The following NOCT variants were observed in gnomAD, a reference collection of about 807,000 sequenced individuals.
The protein encoded by NOCT is CCR4 carbon catabolite repression 4-like.
In NOCT, 18 loss-of-function variants were observed where a neutral mutation model predicts 35.0. The observed-to-expected ratio is 0.51, with a 90% CI of 0.36 to 0.76. The LOEUF is 0.76. Ranked by LOEUF, NOCT falls within the 30% of genes least tolerant of loss-of-function variation. The pLI is 0.01. For missense variants in NOCT, 479 were observed against 541.0 expected (o/e 0.89, Z 1.14); for synonymous variants, 235 against 226.3 (o/e 1.04, Z -0.34).
In NOCT at chr4:139,044,893, T is replaced by C. The variant is rs1319289591; in HGVS notation, c.715T>C (p.Phe239Leu). The change falls in exon 3 of 3, where the codon TTT becomes CTT. Residue 239 changes from phenylalanine to leucine, a missense_variant. Physicochemically the swap from Phe to Leu is conservative, Grantham distance 22. Coordinates refer to ENST00000280614, the MANE Select transcript of NOCT (RefSeq NM_012118.4). ...CAATGGACCAGATGGTTGTGCCTTATTTTTTCTTCAAAACCGATTCAAGCT... is the reference window on the plus strand; with the variant it reads ...CAATGGACCAGATGGTTGTGCCTTACTTTTTCTTCAAAACCGATTCAAGCT... ...HNNGPDGCAL[F>L]FLQNRFKLVN... 3.1e-6 allele frequency: 5 copies of C among 1,614,052 alleles called. No homozygotes were observed. Among genetic ancestry groups the C allele is most frequent in the Non-Finnish European group, 4.2e-6 (5 of 1,180,050 alleles).
intron 1 of NOCT, among the ~76,000 whole-genome samples, chr4:139,037,929 G>A (rs1726763524): frequency 6.6e-6 from 1 of 151,464 alleles, no homozygotes; most frequent in East Asian, 1.9e-4. Context: ...GGCTGGATGT[G>A]GTGGCTCACG....
At chr4:139,023,143 G>T (rs1236696974) in intron 1 of NOCT, among the ~76,000 whole-genome samples, 3 of 150,902 alleles carry the variant, frequency 2.0e-5, no homozygotes, top group Non-Finnish European at 2.9e-5. Flanking sequence ...GTGACAATAA[G>T]AATTGTTCCG....
intron 1 of NOCT, chr4:139,028,350 C>G (rs1726561120): frequency 6.6e-6 from 1 of 152,336 alleles, no homozygotes; most frequent in South Asian, 2.1e-4. Flanking sequence ...TGACTGCCAC[C>G]TGGCAAAGAG....
intron 1 of NOCT, among the ~76,000 whole-genome samples, chr4:139,018,406 G>A (rs989799721): frequency 1.4e-4 from 21 of 152,114 alleles, no homozygotes; most frequent in Non-Finnish European, 7.4e-5. Context: ...TGGAATGTTG[G>A]GCTTTTGACC....
At chr4:139,032,067 C>CTTGCTA (rs1726638200) in intron 1 of NOCT, among the ~76,000 whole-genome samples, 1 of 152,202 alleles carries the variant, frequency 6.6e-6, no homozygotes, top group African/African-American at 2.4e-5. Flanking sequence ...AGTTTACATA[C>CTTGCTA]TTGCTACTGT....
At chr4:139,024,407 AT>A (rs1401081546) in intron 1 of NOCT, among the ~76,000 whole-genome samples, 1 of 151,968 alleles carries the variant, frequency 6.6e-6, no homozygotes, top group African/African-American at 2.4e-5. Flanking sequence ...TTTTCTGAAA[AT>A]TTTTGTTCTG....
At chr4:139,038,568 T>A (rs947572723) in intron 1 of NOCT, among the ~76,000 whole-genome samples, 1 of 152,228 alleles carries the variant, frequency 6.6e-6, no homozygotes, top group Non-Finnish European at 1.5e-5. Context: ...ACTATCCCAT[T>A]TGATTCATCT....
rs190011320 is a variant in NOCT, at chr4:139,042,098, C to T, written c.191-976C>T. On this transcript the variant is annotated intron_variant, in intron 1 of 2. Transcript: ENST00000280614. ...TTTTTTTTTTTTTTTTTTTGAGTCT[C>T]GCTGTGTCACCCAGGCTGGAGCTCA... is the stretch of plus-strand genomic sequence containing the variant. Among the ~76,000 whole-genome samples the T allele has an allele frequency of 8.4e-4, 98 of 117,252 alleles. 1 individual carries two copies. Among genetic ancestry groups the T allele is most frequent in the Admixed American group, 2.5e-3 (23 of 9,376 alleles). The allele number at this position is 117,252 out of a possible 152,430, so 76.9% of individuals were successfully genotyped here.
intron 1 of NOCT, among the ~76,000 whole-genome samples, chr4:139,041,907 G>A (rs1052300839): frequency 4.1e-5 from 6 of 146,526 alleles, no homozygotes; most frequent in African/African-American, 1.5e-4. Flanking sequence ...TAACATCTAG[G>A]AGAAATGGGA....
At chr4:139,032,851 G>A (rs1230078449) in intron 1 of NOCT, among the ~76,000 whole-genome samples, 1 of 152,156 alleles carries the variant, frequency 6.6e-6, no homozygotes, top group East Asian at 1.9e-4. Context: ...AAATCAACAT[G>A]TATTTATGTA....
At chr4:139,039,873 G>C (rs963049004) in intron 1 of NOCT, among the ~76,000 whole-genome samples, 29 of 151,778 alleles carry the variant, frequency 1.9e-4, no homozygotes, top group African/African-American at 7.0e-4. Flanking sequence ...GATTACAGGC[G>C]CCCAACACCA....
At chr4:139,019,059 TTTA>T (rs1214319028) in intron 1 of NOCT, among the ~76,000 whole-genome samples, 1 of 152,168 alleles carries the variant, frequency 6.6e-6, no homozygotes, top group Non-Finnish European at 1.5e-5. Context: ...AATTTTTATT[TTTA>T]TTTTTTTTGA....
At chr4:139,019,234 A>T (rs1249899495) in intron 1 of NOCT, among the ~76,000 whole-genome samples, 2 of 152,038 alleles carry the variant, frequency 1.3e-5, no homozygotes, top group East Asian at 3.9e-4. Context: ...TTTTGTATTT[A>T]GTAGAGACAG....
chr4:139,043,374 C>A, intron 2 of NOCT, 31 bp downstream of exon 2: 2 of 1,602,432 alleles, frequency 1.2e-6, no homozygotes, highest in South Asian at 2.2e-5. Context: ...CCTCTGCAGT[C>A]AAGTTTGCTG....
intron 1 of NOCT, among the ~76,000 whole-genome samples, chr4:139,019,634 T>C (rs1318305887): frequency 2.0e-5 from 3 of 152,234 alleles, no homozygotes; most frequent in Admixed American, 1.3e-4. Context: ...GCATAACTTA[T>C]GCCCCTTGGC....
chr4:139,042,262 T>C (rs913897025), intron 1 of NOCT, among the ~76,000 whole-genome samples: 39 of 151,578 alleles, frequency 2.6e-4, no homozygotes, highest in African/African-American at 9.2e-4. Context: ...AGAGGCAGGG[T>C]TTCTCCATGT....
intron 1 of NOCT, among the ~76,000 whole-genome samples, chr4:139,034,915 C>T (rs1726702006): frequency 6.6e-6 from 1 of 152,140 alleles, no homozygotes; most frequent in Non-Finnish European, 1.5e-5. Context: ...GCAGATTTCC[C>T]AGATCTCAAT....
intron 1 of NOCT, among the ~76,000 whole-genome samples, chr4:139,021,527 G>C (rs977661944): frequency 6.6e-6 from 1 of 151,730 alleles, no homozygotes; most frequent in African/African-American, 2.4e-5. Flanking sequence ...AAAAAAAAAA[G>C]GGAAGAAATT....
At chr4:139,043,008 C>G (rs919663782) in intron 1 of NOCT, 66 bp from the exon 2 acceptor site, 1 of 1,426,240 alleles carries the variant, frequency 7.0e-7, no homozygotes, top group African/African-American at 1.4e-5. Flanking sequence ...GTTTATCTTA[C>G]AGTTGTGCTG....
Sources: allele counts gnomAD v4.1 joint callset (sites outside exome capture counted in the v4.1 genomes callset), GRCh38; gene constraint gnomAD v4.1.1; transcripts MANE v1.5; gene names NCBI Gene and HGNC (gene_info 2026-07-23, HGNC 2026-07-21).